WAC: variants seen among roughly 807,000 people sequenced by gnomAD.
The protein encoded by WAC is WW domain containing adaptor with coiled-coil, also known as WW domain-containing adapter protein with coiled-coil.
In WAC, 11 loss-of-function variants were observed where a neutral mutation model predicts 79.6. That is an observed-to-expected ratio of 0.14 (90% CI 0.09 to 0.23). The LOEUF (loss-of-function observed/expected upper bound fraction) is 0.23. Ranked by LOEUF, WAC falls within the 10% of genes least tolerant of loss-of-function variation. The probability of loss-of-function intolerance (pLI) is 1.00; values close to 1 mark genes in which losing one functional copy is unlikely to be tolerated. For synonymous variants in WAC, 304 were observed against 276.9 expected, an observed-to-expected ratio of 1.10 and a Z score of -0.97; for missense variants, 728 against 773.5, an observed-to-expected ratio of 0.94 and a Z score of 0.70.
At chr10:28,587,968 T>G (rs1255168430) in intron 4 of WAC, among the ~76,000 whole-genome samples, 11 of 152,078 alleles carry the variant, frequency 7.2e-5, no homozygotes, top group Admixed American at 7.2e-4. Context: ...AGAAACAGTA[T>G]GTTTATATAT....
intron 3 of WAC, among the ~76,000 whole-genome samples, chr10:28,559,798 G>A (rs1439416549): frequency 6.6e-6 from 1 of 152,180 alleles, no homozygotes. Context: ...TAGCTTGAGC[G>A]GGGAGTGAGA....
intron 3 of WAC, among the ~76,000 whole-genome samples, chr10:28,573,516 C>G (rs1839087926): frequency 6.6e-6 from 1 of 152,124 alleles, no homozygotes; most frequent in Non-Finnish European, 1.5e-5. Flanking sequence ...ATTCTCAGAG[C>G]CTATAAGGTA....
intron 3 of WAC, among the ~76,000 whole-genome samples, chr10:28,577,112 C>T (rs1203233770): frequency 1.3e-5 from 2 of 152,080 alleles, no homozygotes; most frequent in African/African-American, 4.8e-5. Flanking sequence ...TCCATTTTTC[C>T]CTCCCGCAAG....
intron 3 of WAC, among the ~76,000 whole-genome samples, chr10:28,549,776 A>G (rs1837559432): frequency 6.6e-6 from 1 of 152,140 alleles, no homozygotes; most frequent in Admixed American, 6.5e-5. Context: ...AATGTACATA[A>G]GAGGCCACTG....
intron 7 of WAC, among the ~76,000 whole-genome samples, chr10:28,599,581 TA>T (rs1220893851): frequency 1.3e-5 from 2 of 152,202 alleles, no homozygotes; most frequent in Admixed American, 6.5e-5. Context: ...TCATGGTTTT[TA>T]AAAAAGTATT....
At chr10:28,543,135 G>T (rs1837154614) in intron 3 of WAC, among the ~76,000 whole-genome samples, 1 of 152,184 alleles carries the variant, frequency 6.6e-6, no homozygotes. Flanking sequence ...ACTATAGTCA[G>T]TAATTCTGGG....
At chr10:28,547,573 C>A (rs1027940148) in intron 3 of WAC, among the ~76,000 whole-genome samples, 1 of 150,384 alleles carries the variant, frequency 6.6e-6, no homozygotes, top group African/African-American at 2.4e-5. Flanking sequence ...TTTTGTGAAT[C>A]GTAATCTAAG....
At chr10:28,545,593 A>G (rs1022004024) in intron 3 of WAC, among the ~76,000 whole-genome samples, 7 of 152,264 alleles carry the variant, frequency 4.6e-5, no homozygotes, top group African/African-American at 1.4e-4. Context: ...TGAAGTGGAC[A>G]TTAAGGAATG....
Position 28,604,182 on chromosome 10 carries a change from T to G in WAC, c.920-4004T>G, listed in dbSNP as rs74127262. Among the ~76,000 whole-genome samples the G allele has an allele frequency of 6.6e-3, 993 of 151,424 alleles. 10 individuals carry two copies. Among genetic ancestry groups the G allele is most frequent in the African/African-American group, 0.019 (791 of 41,322 alleles). On this transcript the variant is annotated intron_variant, in intron 7 of 13. Transcript: ENST00000354911. ...GCATAAAATGAGCTATTCATCGTTT[T>G]CTTTGACTGTTACGTCGATGGAAGT...
intron 4 of WAC, among the ~76,000 whole-genome samples, chr10:28,585,512 C>G (rs1451078832): frequency 6.6e-6 from 1 of 151,614 alleles, no homozygotes; most frequent in African/African-American, 2.4e-5. Context: ...TATCGTCAAA[C>G]TATTTGTGAT....
intron 3 of WAC, among the ~76,000 whole-genome samples, chr10:28,558,442 A>G (rs1589152134): frequency 6.6e-6 from 1 of 152,314 alleles, no homozygotes; most frequent in South Asian, 2.1e-4. Context: ...AGTTCAAGAC[A>G]TTGTAACTAA....
rs557811142 is a variant in WAC, at chr10:28,559,481, G to A, written c.274+23724G>A. 3.9e-5 allele frequency among the ~76,000 whole-genome samples: 6 copies of A among 152,186 alleles called. No individual in the cohort carries two copies. The South Asian group carries it at 1.0e-3, about 26-fold the overall frequency. ...TAACGAGTTGACCTAAGAAGGAAAC[G>A]GAGGCAAAATTAATATAGAGATTTC... On this transcript the variant is annotated intron_variant, in intron 3 of 13. Transcript: ENST00000354911.
At position 28,610,813 on chromosome 10, in the gene WAC, C is replaced by G. The variant is rs376289844; in HGVS notation, c.1280C>G (p.Ser427Cys). Residue 427 changes from serine to cysteine, a missense_variant, in exon 9 of 14, where the codon TCT becomes TGT. This residue lies in a region of WAC where 648 missense variants were observed against 661.5 expected (regional missense o/e 0.98). Transcript: ENST00000354911. ...CTGATTTCTCAAGCTGCTCAGCTCTCTACACAAGGTATTCTTACTCATCTT... is the reference window on the plus strand; with the variant it reads ...CTGATTTCTCAAGCTGCTCAGCTCTGTACACAAGGTATTCTTACTCATCTT... ...TSLISQAAQL[S>C]TQAQPSNQSP... The G allele has an allele frequency of 8.7e-6, 14 of 1,606,294 alleles. No homozygotes were observed. The highest frequency in any genetic ancestry group is 1.1e-5 in the Non-Finnish European group (13 of 1,177,824).
chr10:28,560,163 G>A (rs1838223152), intron 3 of WAC, among the ~76,000 whole-genome samples: 1 of 152,044 alleles, frequency 6.6e-6, no homozygotes, highest in Non-Finnish European at 1.5e-5. Context: ...GCAACATAGT[G>A]AGACTCTGTT....
intron 3 of WAC, among the ~76,000 whole-genome samples, chr10:28,561,691 G>C (rs1838307209): frequency 6.6e-6 from 1 of 152,106 alleles, no homozygotes; most frequent in Admixed American, 6.5e-5. Context: ...CCTTTCTGTG[G>C]CCTGTTAGCA....
intron 1 of WAC, 48 bp from the exon 2 acceptor site, chr10:28,533,950 C>A (rs754715301): frequency 2.5e-6 from 4 of 1,601,866 alleles, no homozygotes; most frequent in Middle Eastern, 2.0e-4. Flanking sequence ...CCCCGGCCCC[C>A]CACCCGCGCC....
intron 3 of WAC, among the ~76,000 whole-genome samples, chr10:28,537,302 T>C (rs1365984162): frequency 6.6e-6 from 1 of 152,188 alleles, no homozygotes; most frequent in Non-Finnish European, 1.5e-5. Flanking sequence ...CATAGTATTA[T>C]GTAAAGCCTG....
intron 3 of WAC, among the ~76,000 whole-genome samples, chr10:28,580,751 T>C (rs1839492093): frequency 6.6e-6 from 1 of 152,228 alleles, no homozygotes; most frequent in East Asian, 1.9e-4. Context: ...TGGAGTTATA[T>C]CTGAAAAGTA....
intron 3 of WAC, among the ~76,000 whole-genome samples, chr10:28,544,530 CAG>C (rs1837247066): frequency 6.6e-6 from 1 of 152,212 alleles, no homozygotes; most frequent in Middle Eastern, 3.2e-3. Flanking sequence ...CAGACTGTGA[CAG>C]AGTAGATTAT....
Sources: gnomAD v4.1 joint callset for allele counts (sites outside exome capture counted in the v4.1 genomes callset) on GRCh38, gnomAD v4.1.1 for gene constraint, gnomAD v4.1.1 regional missense constraint, MANE v1.5 for transcripts, NCBI Gene and HGNC (gene_info 2026-07-23, HGNC 2026-07-21) for gene names.